The following PLPPR1 variants were observed in gnomAD, a reference collection of about 807,000 sequenced individuals.
PLPPR1 encodes the protein phospholipid phosphatase related 1.
In PLPPR1, 10 loss-of-function variants were observed where a neutral mutation model predicts 33.1. The observed-to-expected ratio is 0.30, with a 90% CI of 0.19 to 0.51. The LOEUF is 0.51. Ranked by LOEUF, PLPPR1 falls within the 20% of genes least tolerant of loss-of-function variation. The pLI is 0.97. For missense variants in PLPPR1, 304 were observed against 408.1 expected (o/e 0.74, Z 2.20); for synonymous variants, 151 against 151.0 (o/e 1.00, Z 0.00).
At chr9:101,141,795 G>A (rs890258165) in intron 1 of PLPPR1, among the ~76,000 whole-genome samples, 5 of 152,034 alleles carry the variant, frequency 3.3e-5, no homozygotes, top group Admixed American at 6.6e-5. Context: ...CTGAACCTCC[G>A]TCACTGACAC....
intron 2 of PLPPR1, among the ~76,000 whole-genome samples, chr9:101,192,575 G>A (rs915516242): frequency 1.3e-5 from 2 of 152,064 alleles, no homozygotes; most frequent in African/African-American, 4.8e-5. Context: ...CTTGCCAAGA[G>A]GTAGGTGGTT....
At chr9:101,238,684 T>A (rs1340988707) in intron 2 of PLPPR1, among the ~76,000 whole-genome samples, 1 of 151,710 alleles carries the variant, frequency 6.6e-6, no homozygotes, top group East Asian at 1.9e-4. Flanking sequence ...TTGGGTGCAA[T>A]GTCTGCTATT....
At chr9:101,041,632 G>A (rs761364480) in intron 1 of PLPPR1, among the ~76,000 whole-genome samples, 2 of 152,112 alleles carry the variant, frequency 1.3e-5, no homozygotes, top group Non-Finnish European at 2.9e-5. Flanking sequence ...TGGTCTGTGT[G>A]GTCTAGGGGA....
intron 2 of PLPPR1, among the ~76,000 whole-genome samples, chr9:101,246,111 G>T (rs7849892): frequency 1.9e-3 from 188 of 99,682 alleles, no homozygotes; most frequent in East Asian, 5.7e-3. Flanking sequence ...TATATATATA[G>T]ATAGATAGAT....
intron 2 of PLPPR1, among the ~76,000 whole-genome samples, chr9:101,212,504 CATAATA>C (rs904181820): frequency 6.6e-6 from 1 of 152,144 alleles, no homozygotes; most frequent in African/African-American, 2.4e-5. Context: ...TCCAGAAGAT[CATAATA>C]ATAATTGTCA....
chr9:101,223,847 A>AAT (rs1221874669), intron 2 of PLPPR1, among the ~76,000 whole-genome samples: 3 of 151,894 alleles, frequency 2.0e-5, no homozygotes, highest in South Asian at 2.1e-4. Context: ...AACCAATACA[A>AAT]ATATATATAT....
chr9:101,085,439 T>C (rs914621906), intron 1 of PLPPR1, among the ~76,000 whole-genome samples: 6 of 151,724 alleles, frequency 4.0e-5, no homozygotes, highest in Non-Finnish European at 8.8e-5. Flanking sequence ...ATGAAGGAGG[T>C]AGGGGAGAGT....
intron 5 of PLPPR1, 102 bp from the exon 6 acceptor site, chr9:101,312,696 G>A (rs1412429845): frequency 5.9e-6 from 5 of 852,638 alleles, no homozygotes; most frequent in Non-Finnish European, 9.3e-6. Context: ...TTTGACACAA[G>A]CCCCTGCTTG....
intron 4 of PLPPR1, among the ~76,000 whole-genome samples, chr9:101,291,511 C>A (rs1438853336): frequency 6.6e-6 from 1 of 152,206 alleles, no homozygotes; most frequent in East Asian, 1.9e-4. Flanking sequence ...GACCCCTGAC[C>A]CCCGAGCAGC....
chr9:101,149,307 G>T (rs546047439), intron 1 of PLPPR1, among the ~76,000 whole-genome samples: 1 of 152,272 alleles, frequency 6.6e-6, no homozygotes, highest in East Asian at 1.9e-4. Flanking sequence ...GAATACATAA[G>T]CAAATGAAAA....
At chr9:101,296,796 T>TG (rs955813774) in intron 4 of PLPPR1, among the ~76,000 whole-genome samples, 1 of 148,368 alleles carries the variant, frequency 6.7e-6, no homozygotes, top group African/African-American at 2.6e-5. Flanking sequence ...GGGACTGTTG[T>TG]GGGGTGGGTG....
chr9:101,244,676 T>C (rs1827551530), intron 2 of PLPPR1, among the ~76,000 whole-genome samples: 3 of 152,002 alleles, frequency 2.0e-5, no homozygotes, highest in Non-Finnish European at 2.9e-5. Context: ...ATCTTTTTTC[T>C]AGGTTGACAT....
At chr9:101,310,043 G>T (rs761122551) in intron 5 of PLPPR1, among the ~76,000 whole-genome samples, 5 of 152,144 alleles carry the variant, frequency 3.3e-5, no homozygotes, top group Non-Finnish European at 7.4e-5. Context: ...TTGTCCCCCA[G>T]ATCGCACAGC....
chr9:101,230,921 C>T (rs931380394), intron 2 of PLPPR1, among the ~76,000 whole-genome samples: 3 of 150,772 alleles, frequency 2.0e-5, no homozygotes, highest in African/African-American at 7.3e-5. Context: ...GCTGTACTCT[C>T]TGCCTTGTAG....
At chr9:101,285,333 C>T (rs140207880) in intron 3 of PLPPR1, among the ~76,000 whole-genome samples, 1 of 151,344 alleles carries the variant, frequency 6.6e-6, no homozygotes, top group East Asian at 1.9e-4. Flanking sequence ...TACCTAAGGG[C>T]ATTATAATTT....
At chr9:101,235,593 A>G (rs1459339926) in intron 2 of PLPPR1, among the ~76,000 whole-genome samples, 1 of 151,842 alleles carries the variant, frequency 6.6e-6, no homozygotes, top group Non-Finnish European at 1.5e-5. Flanking sequence ...CCAAGAAAAA[A>G]AATAGTTTCT....
At chr9:101,247,840 G>A (rs1827641051) in intron 2 of PLPPR1, among the ~76,000 whole-genome samples, 1 of 152,004 alleles carries the variant, frequency 6.6e-6, no homozygotes, top group Non-Finnish European at 1.5e-5. Flanking sequence ...GATTATTGCT[G>A]TTCTGTTTCC....
chr9:101,320,935 A>G (rs562247777), intron 7 of PLPPR1, among the ~76,000 whole-genome samples: 41 of 152,290 alleles, frequency 2.7e-4, no homozygotes, highest in Middle Eastern at 6.8e-3. Context: ...ATTTCATTCA[A>G]TGAAAATTCT....
chr9:101,034,847 T>A (rs1227363350), intron 1 of PLPPR1, among the ~76,000 whole-genome samples: 1 of 152,136 alleles, frequency 6.6e-6, no homozygotes, highest in Non-Finnish European at 1.5e-5. Flanking sequence ...AATAGTTGGC[T>A]TGAATCCTGT....
Sources: allele counts gnomAD v4.1 joint callset (sites outside exome capture counted in the v4.1 genomes callset), GRCh38; gene constraint gnomAD v4.1.1; transcripts MANE v1.5; gene names NCBI Gene and HGNC (gene_info 2026-07-23, HGNC 2026-07-21).